Variants in LYST observed in about 807,000 individuals in gnomAD.
LYST encodes the protein lysosomal trafficking regulator, also known as lysosomal-trafficking regulator.
A neutral mutation model predicts 413.6 loss-of-function variants in LYST; 192 were observed. The ratio of observed to expected loss-of-function variants is 0.46; its 90% CI spans 0.41 to 0.52. The LOEUF is 0.52. LYST is among the 20% of genes least tolerant of loss of function. LYST has a pLI of 0.00. For missense variants in LYST, 3,815 were observed against 4,499.9 expected, an observed-to-expected ratio of 0.85 and a Z score of 4.35; for synonymous variants, 1,525 against 1,567.3, an observed-to-expected ratio of 0.97 and a Z score of 0.64.
chr1:235,806,169 T>A lies in LYST; in HGVS notation c.2967A>T (p.Val989=). 2 of 1,613,934 alleles carry A rather than the reference T, an allele frequency of 1.2e-6. No homozygotes were observed. Among genetic ancestry groups the A allele is most frequent in the Non-Finnish European group, 1.7e-6 (2 of 1,179,992 alleles). Residue 989 remains valine (V), a synonymous_variant, in exon 6 of 53, where the codon GTA becomes GTT. Transcript: ENST00000389793. ...KQFYRLGGFR[V]CHKLIFMIIQ... ...TTATCATAAATATTAACTTATGGCA[T>A]ACTCGGAAACCACCAAGCCTATAAA... is the stretch of plus-strand genomic sequence containing the variant.
chr1:235,711,143 A>C (rs1662374863), intron 43 of LYST, among the ~76,000 whole-genome samples: 1 of 152,192 alleles, frequency 6.6e-6, no homozygotes, highest in Non-Finnish European at 1.5e-5. Context: ...CAAGCCATTA[A>C]GTGTTGAGAT....
upstream of LYST, among the ~76,000 whole-genome samples, chr1:235,867,159 G>T (rs1004410514): frequency 5.9e-5 from 9 of 152,346 alleles, no homozygotes; most frequent in East Asian, 1.9e-4. Flanking sequence ...TGCAGCCGGG[G>T]CCCGGTCTGG....
chr1:235,788,695 C>T lies in LYST; in HGVS notation c.4688+6G>A, dbSNP rs777713646. On this transcript the variant is annotated splice_donor_region_variant and intron_variant, in intron 13 of 52. Transcript: ENST00000389793. ...CTATTCATGGGAGGCTGAGGATAATCAATACCGAAAGATAAGAGTGGCATT... is the reference window on the plus strand; with the variant it reads ...CTATTCATGGGAGGCTGAGGATAATTAATACCGAAAGATAAGAGTGGCATT... The T allele has an allele frequency of 9.9e-6, 16 of 1,613,172 alleles. No homozygotes were observed. In the East Asian group the frequency reaches 3.1e-4, roughly 32 times the overall value.
At chr1:235,723,028 C>A (rs139691284) in intron 39 of LYST, among the ~76,000 whole-genome samples, 391 of 152,072 alleles carry the variant, frequency 2.6e-3, no homozygotes, top group African/African-American at 9.1e-3. Context: ...TGGAAGCAGT[C>A]AGACTCTCGA....
At position 235,854,933 on chromosome 1, in the gene LYST, A is replaced by G. The variant is rs1298909113; in HGVS notation, c.-98+11910T>C. On this transcript the variant is annotated intron_variant, in intron 1 of 52. Transcript: ENST00000389793. The surrounding 1 kb of genome is among the most constrained non-coding windows in gnomAD (Gnocchi z 4.1). ...GGAATGACAAATGTCACTCCAATTC[A>G]TAGGGAAGAAGATCCCAACTGCTTA... Among the ~76,000 whole-genome samples the G allele has an allele frequency of 6.6e-6, 1 of 152,224 alleles. No individual in the cohort carries two copies. The highest frequency in any genetic ancestry group is 1.5e-5 in the Non-Finnish European group (1 of 68,032).
In LYST at chr1:235,854,831, C is replaced by A. The variant is rs1459553612; in HGVS notation, c.-98+12012G>T. ...TCTTACTTGCAATACTAACAACCTC[C>A]TACTTGATCACACTGTCTGGTCTAT... On this transcript the variant is annotated intron_variant, in intron 1 of 52. Coordinates refer to ENST00000389793, the MANE Select transcript of LYST (RefSeq NM_000081.4). The surrounding 1 kb of genome is among the most constrained non-coding windows in gnomAD (Gnocchi z 4.1). Among the ~76,000 whole-genome samples the A allele has an allele frequency of 2.0e-5, 3 of 152,170 alleles. No homozygotes were observed. The highest frequency in any genetic ancestry group is 2.9e-5 in the Non-Finnish European group (2 of 68,022).
chr1:235,725,321 C>A (rs1228296032), intron 38 of LYST, among the ~76,000 whole-genome samples: 1 of 152,044 alleles, frequency 6.6e-6, no homozygotes, highest in Admixed American at 6.6e-5. Context: ...GTAGTTCCAG[C>A]TACTCGGGAG....
chr1:235,700,988 G>A (rs892040408), intron 45 of LYST, among the ~76,000 whole-genome samples: 8 of 152,196 alleles, frequency 5.3e-5, no homozygotes, highest in African/African-American at 1.9e-4. Flanking sequence ...GAGGATGACG[G>A]AACAGCTGTT....
intron 14 of LYST, among the ~76,000 whole-genome samples, chr1:235,786,667 A>G (rs1670446129): frequency 6.6e-6 from 1 of 152,078 alleles, no homozygotes; most frequent in Admixed American, 6.5e-5. Flanking sequence ...CATCAATGAT[A>G]GACTGGATTA....
At chr1:235,805,619 T>C (rs1672743114) in intron 6 of LYST, 124 bp downstream of exon 6, 1 of 329,698 alleles carries the variant, frequency 3.0e-6, no homozygotes, top group Non-Finnish European at 5.0e-6. Context: ...ATGTTATATA[T>C]AACACAATAA....
intron 19 of LYST, among the ~76,000 whole-genome samples, chr1:235,771,924 T>G (rs1340265234): frequency 8.6e-4 from 126 of 145,682 alleles, no homozygotes; most frequent in Middle Eastern, 6.9e-3. Context: ...TTTGTTTTTT[T>G]TTTTTTTTTT....
intron 45 of LYST, among the ~76,000 whole-genome samples, chr1:235,700,939 G>C (rs994390494): frequency 1.3e-5 from 2 of 152,200 alleles, no homozygotes; most frequent in Non-Finnish European, 2.9e-5. Context: ...TCAGGTGATA[G>C]AAGTGCTATA....
rs1360914975 is a variant in LYST at position 235,806,490 on chromosome 1, A to G, written c.2646T>C (p.Tyr882=). 1.4e-5 allele frequency: 23 copies of G among 1,613,952 alleles called. No homozygotes were observed. Among genetic ancestry groups the G allele is most frequent in the Non-Finnish European group, 1.9e-5 (22 of 1,179,990 alleles). ...GGTTAACAGTCTTCCGTCTCTTTGG[A>G]TAAGCTTCTTTGAGGCCAGCATAAA... ...SKFYAGLKEA[Y]PKRRKTVNQD... is the part of the protein sequence containing the mutation. Residue 882 remains tyrosine (Y), a synonymous_variant, in exon 6 of 53, where the codon TAT becomes TAC. Transcript: ENST00000389793.
chr1:235,708,998 T>C, intron 44 of LYST, 93 bp downstream of exon 44: 2 of 1,096,106 alleles, frequency 1.8e-6, no homozygotes, highest in South Asian at 1.3e-5. Context: ...CTTTGATAAC[T>C]TGAGTGTTTT....
rs560979460 is a variant in LYST, at chr1:235,882,799, C to T, written n.454+388G>A. On this transcript the variant is annotated intron_variant and non_coding_transcript_variant, in intron 1 of 11. Transcript: ENST00000465349. ...CAGTTTCATGTGCCTTGTGTAAAAA[C>T]ATCCCACATGAGTCCATCTGCACAC... 1.1e-4 allele frequency among the ~76,000 whole-genome samples: 17 copies of T among 152,312 alleles called. No homozygotes were observed. In the South Asian group the frequency reaches 3.5e-3, roughly 32 times the overall value.
At chr1:235,713,526 TG>T (rs754300450) in intron 42 of LYST, among the ~76,000 whole-genome samples, 6 of 152,240 alleles carry the variant, frequency 3.9e-5, no homozygotes, top group Non-Finnish European at 7.3e-5. Flanking sequence ...ATTAAACCTG[TG>T]GTTCTCAACC....
Position 235,833,678 on chromosome 1 carries a change from A to G in LYST, c.-97-11T>C, listed in dbSNP as rs1427418828. 1.4e-5 allele frequency: 10 copies of G among 704,948 alleles called. No individual in the cohort carries two copies. The highest frequency in any genetic ancestry group is 1.4e-5 in the Non-Finnish European group (8 of 573,694). The allele number at this position is 704,948 out of a possible 1,614,324, so 43.7% of individuals were successfully genotyped here. ...AGAACAAAGCTTCACCTACAAAAAAAAAGACATATTAATCACAATAGTAAA... is the reference window on the plus strand; with the variant it reads ...AGAACAAAGCTTCACCTACAAAAAAGAAGACATATTAATCACAATAGTAAA... On this transcript the variant is annotated splice_polypyrimidine_tract_variant and intron_variant, in intron 1 of 52. Transcript: ENST00000389793.
chr1:235,665,222 C>A (rs944207823), intron 50 of LYST, among the ~76,000 whole-genome samples: 1 of 152,144 alleles, frequency 6.6e-6, no homozygotes, highest in African/African-American at 2.4e-5. Flanking sequence ...AATATTTCAG[C>A]ATATGAACCA....
chr1:235,664,460 C>G lies in LYST; in HGVS notation c.11195+5G>C, dbSNP rs1658270113. On this transcript the variant is annotated splice_donor_5th_base_variant and intron_variant, in intron 51 of 52. Coordinates refer to ENST00000389793, the MANE Select transcript of LYST (RefSeq NM_000081.4). The surrounding 1 kb of genome is among the most constrained non-coding windows in gnomAD (Gnocchi z 4.5). ...TCAAAAAAAGAGAATCCAAATTCCT[C>G]TTACCTTACAATTCCATTTTCTAAT... 1 of 1,613,650 alleles carries G rather than the reference C, an allele frequency of 6.2e-7. No individual in the cohort carries two copies. The highest frequency in any genetic ancestry group is 1.3e-5 in the African/African-American group (1 of 74,916).
Sources: gnomAD v4.1 joint callset for allele counts (sites outside exome capture counted in the v4.1 genomes callset) on GRCh38, gnomAD v4.1.1 for gene constraint, Gnocchi (gnomAD v3.1) non-coding constraint, MANE v1.5 for transcripts, NCBI Gene and HGNC (gene_info 2026-07-23, HGNC 2026-07-21) for gene names.